The following ATP6V1C1 variants were observed in gnomAD, a reference collection of about 807,000 sequenced individuals.
ATP6V1C1 encodes the protein ATPase H+ transporting V1 subunit C1, also known as V-type proton ATPase subunit C 1.
In ATP6V1C1, 45 loss-of-function variants were observed where a neutral mutation model predicts 53.9. The ratio of observed to expected loss-of-function variants is 0.83; its 90% CI spans 0.66 to 1.07. The LOEUF is 1.07. ATP6V1C1 is among the 50% of genes least tolerant of loss of function. The pLI, the probability that ATP6V1C1 is intolerant of heterozygous loss-of-function variation, is 0.00. For synonymous variants in ATP6V1C1, 153 were observed against 155.2 expected (o/e 0.99, Z 0.11); for missense variants, 315 against 440.3 (o/e 0.72, Z 2.55).
intron 5 of ATP6V1C1, among the ~76,000 whole-genome samples, chr8:103,051,611 C>T (rs548190844): frequency 2.6e-5 from 4 of 152,204 alleles, no homozygotes; most frequent in African/African-American, 7.2e-5. Context: ...TTCCCGTATT[C>T]GTGTGCCACA....
At chr8:103,051,211 A>G in intron 5 of ATP6V1C1, 67 bp downstream of exon 5, 1 of 1,170,934 alleles carries the variant, frequency 8.5e-7, no homozygotes, top group Non-Finnish European at 1.2e-6. Context: ...TTATAATTTC[A>G]CTATGAAATA....
At chr8:103,027,653 TTC>T (rs1816721904) in intron 1 of ATP6V1C1, among the ~76,000 whole-genome samples, 1 of 152,174 alleles carries the variant, frequency 6.6e-6, no homozygotes, top group Non-Finnish European at 1.5e-5. Context: ...TTTTTTTTTT[TTC>T]TCCTTTCCTC....
At chr8:103,058,960 C>T (rs1344927734) in intron 8 of ATP6V1C1, among the ~76,000 whole-genome samples, 2 of 150,734 alleles carry the variant, frequency 1.3e-5, no homozygotes, top group East Asian at 1.9e-4. Context: ...TTTCACTTGT[C>T]CTTTCAGAAT....
chr8:103,022,486 T>C (rs533696714), intron 1 of ATP6V1C1, among the ~76,000 whole-genome samples: 1 of 151,990 alleles, frequency 6.6e-6, no homozygotes. Context: ...AAAATTGTCT[T>C]TATAGAGCTT....
chr8:103,072,642 A>G lies in ATP6V1C1; in HGVS notation c.*3895A>G, dbSNP rs1817604963. ...GCATAGATAACAATTGATTCTTTAG[A>G]TTCATATATGGAGGTAATTCTTGCT... On this transcript the variant is annotated 3_prime_UTR_variant, in exon 13 of 13. Transcript: ENST00000518738. 6.6e-6 allele frequency: 1 copy of G among 152,232 alleles called. No homozygotes were observed. Among genetic ancestry groups the G allele is most frequent in the Non-Finnish European group, 1.5e-5 (1 of 68,040 alleles). 9.4% of individuals were successfully genotyped at this position (152,232 alleles called of 1,614,324 possible). A position where few individuals can be genotyped will look rare whatever the true frequency, so the allele number is the denominator to read the frequency against.
At chr8:103,047,405 TTA>T (rs1491375533) in intron 3 of ATP6V1C1, among the ~76,000 whole-genome samples, 31 of 104,762 alleles carry the variant, frequency 3.0e-4, no homozygotes, top group African/African-American at 1.1e-3. Context: ...AGACTCTCTC[TTA>T]AAAAAAAAAA....
Position 103,041,076 on chromosome 8 carries a change from C to G in ATP6V1C1, c.132+108C>G, listed in dbSNP as rs561368484. On this transcript the variant is annotated intron_variant, in intron 2 of 12. Coordinates refer to ENST00000518738, the MANE Select transcript of ATP6V1C1 (RefSeq NM_001695.5). ...CCAGGTTCCTTCCAAAGAAAACCTC[C>G]TCTCCAGCCATTGGCATGATTTAAA... 771 of 1,263,974 alleles carry G rather than the reference C, an allele frequency of 6.1e-4. 1 individual carries two copies. The highest frequency in any genetic ancestry group is 7.8e-4 in the Non-Finnish European group (741 of 947,148). 78.3% of individuals were successfully genotyped at this position (1,263,974 alleles called of 1,614,324 possible).
chr8:103,036,187 A>G (rs929779688), intron 1 of ATP6V1C1, among the ~76,000 whole-genome samples: 1 of 152,204 alleles, frequency 6.6e-6, no homozygotes, highest in African/African-American at 2.4e-5. Context: ...AGTCAAACAC[A>G]ACTAAATTTG....
chr8:103,031,903 A>G (rs1013894012), intron 1 of ATP6V1C1, among the ~76,000 whole-genome samples: 1 of 152,196 alleles, frequency 6.6e-6, no homozygotes, highest in African/African-American at 2.4e-5. Flanking sequence ...GATGAAAACT[A>G]TGAATGGATC....
chr8:103,048,805 C>A, intron 3 of ATP6V1C1, 65 bp from the exon 4 acceptor site: 1 of 1,357,656 alleles, frequency 7.4e-7, no homozygotes, highest in South Asian at 1.2e-5. Context: ...GTAATATGTT[C>A]ATTGTATAGA....
intron 4 of ATP6V1C1, among the ~76,000 whole-genome samples, chr8:103,049,976 A>C (rs1295275263): frequency 1.3e-5 from 2 of 151,928 alleles, no homozygotes; most frequent in Non-Finnish European, 2.9e-5. Context: ...AGGAAGAAGG[A>C]TATAACCCTT....
intron 1 of ATP6V1C1, among the ~76,000 whole-genome samples, chr8:103,031,582 G>A (rs1292753295): frequency 6.6e-6 from 1 of 152,072 alleles, no homozygotes; most frequent in East Asian, 1.9e-4. Flanking sequence ...AGATTTCAAG[G>A]TAACGTTACT....
intron 2 of ATP6V1C1, 144 bp downstream of exon 2, chr8:103,041,112 T>C (rs1816992970): frequency 1.3e-5 from 13 of 980,384 alleles, no homozygotes; most frequent in Non-Finnish European, 1.8e-5. Context: ...ATGTGTCTTC[T>C]TTGAAATTTT....
intron 1 of ATP6V1C1, among the ~76,000 whole-genome samples, chr8:103,031,289 A>G (rs535584519): frequency 2.4e-4 from 36 of 152,352 alleles, no homozygotes; most frequent in African/African-American, 8.2e-4. Flanking sequence ...AAGATACAGC[A>G]AGAGACTGTG....
intron 8 of ATP6V1C1, among the ~76,000 whole-genome samples, chr8:103,062,275 A>T (rs960703876): frequency 3.5e-5 from 5 of 141,370 alleles, no homozygotes; most frequent in African/African-American, 1.3e-4. Flanking sequence ...AGCTCCAGTG[A>T]TCCTCCCACC....
Position 103,072,105 on chromosome 8 carries a change from C to T in ATP6V1C1, c.*3358C>T, listed in dbSNP as rs755570512. The T allele has an allele frequency of 5.9e-5, 9 of 152,222 alleles. No individual in the cohort carries two copies. Among genetic ancestry groups the T allele is most frequent in the Non-Finnish European group, 1.0e-4 (7 of 68,042 alleles). 9.4% of individuals were successfully genotyped at this position (152,222 alleles called of 1,614,324 possible). A position where few individuals can be genotyped will look rare whatever the true frequency, so the allele number is the denominator to read the frequency against. Reference sequence around the variant, plus strand: ...CAGAAAATCTTTGTGGAACACATTCCACACTTTGAAATCTTCGTGGAACAA... The same window carrying T: ...CAGAAAATCTTTGTGGAACACATTCTACACTTTGAAATCTTCGTGGAACAA... On this transcript the variant is annotated 3_prime_UTR_variant, in exon 13 of 13. Transcript: ENST00000518738.
chr8:103,030,503 C>G lies in ATP6V1C1; in HGVS notation c.-40+9278C>G, dbSNP rs370567131. Among the ~76,000 whole-genome samples, 173 of 152,234 alleles carry G rather than the reference C, an allele frequency of 1.1e-3. 1 individual carries two copies. Among genetic ancestry groups the G allele is most frequent in the African/African-American group, 3.9e-3 (163 of 41,534 alleles). On this transcript the variant is annotated intron_variant, in intron 1 of 12. Transcript: ENST00000518738. ...CACCATAAACAATTACAAATCTGGA[C>G]AAGATATATTAAAAAACTGCTTCCA...
chr8:103,026,773 A>G (rs1816704020), intron 1 of ATP6V1C1, among the ~76,000 whole-genome samples: 1 of 152,230 alleles, frequency 6.6e-6, no homozygotes, highest in Admixed American at 6.5e-5. Context: ...AGATCGCGCC[A>G]GTGCACTCCA....
Position 103,055,864 on chromosome 8 carries a change from G to T in ATP6V1C1, c.573-4G>T. The T allele has an allele frequency of 6.2e-7, 1 of 1,610,976 alleles. No homozygotes were observed. The highest frequency in any genetic ancestry group is 8.5e-7 in the Non-Finnish European group (1 of 1,177,940). On this transcript the variant is annotated splice_polypyrimidine_tract_variant and splice_region_variant and intron_variant, in intron 7 of 12. Coordinates refer to ENST00000518738, the MANE Select transcript of ATP6V1C1 (RefSeq NM_001695.5). Reference sequence around the variant, plus strand: ...TTCCAATGTGTATTGTACCTTTTCTGCAGGTTAAACCACAACGACTGGATT... The same window carrying T: ...TTCCAATGTGTATTGTACCTTTTCTTCAGGTTAAACCACAACGACTGGATT...
Sources: gnomAD v4.1 joint callset for allele counts (sites outside exome capture counted in the v4.1 genomes callset) on GRCh38, gnomAD v4.1.1 for gene constraint, MANE v1.5 for transcripts, NCBI Gene and HGNC (gene_info 2026-07-23, HGNC 2026-07-21) for gene names.